HDAC7: variants seen among roughly 807,000 people sequenced by gnomAD.
HDAC7 encodes the protein histone deacetylase 7.
Under a neutral mutation model 115.5 loss-of-function variants are expected in HDAC7, and 26 were observed. The ratio of observed to expected loss-of-function variants is 0.23; its 90% CI spans 0.16 to 0.31. HDAC7 has a LOEUF of 0.31. HDAC7 is among the 10% of genes least tolerant of loss of function. HDAC7 has a pLI of 1.00. For synonymous variants in HDAC7, 564 were observed against 550.9 expected, an observed-to-expected ratio of 1.02 and a Z score of -0.33; for missense variants, 1,068 against 1,329.0, an observed-to-expected ratio of 0.80 and a Z score of 3.05.
intron 16 of HDAC7, chr12:47,790,975 C>T (rs1312163291): frequency 1.9e-6 from 1 of 540,288 alleles, no homozygotes; most frequent in Non-Finnish European, 3.3e-6. Context: ...TGATCCTAAG[C>T]CCCAGCCTTG....
chr12:47,814,809 G>A (rs1252272006), intron 1 of HDAC7, among the ~76,000 whole-genome samples: 2 of 152,220 alleles, frequency 1.3e-5, no homozygotes, highest in Non-Finnish European at 2.9e-5. Context: ...GGAGGTGGGA[G>A]ACGGCATCAA....
chr12:47,786,931 AAGG>A (rs2136910833), intron 21 of HDAC7, among the ~76,000 whole-genome samples: 1 of 152,360 alleles, frequency 6.6e-6, no homozygotes, highest in African/African-American at 2.4e-5. Flanking sequence ...AAGAGGCAGA[AAGG>A]AGCCAAGGAT....
In HDAC7 at chr12:47,786,068, G is replaced by A. The variant is rs546498676; in HGVS notation, c.2573-183C>T. The A allele has an allele frequency of 1.5e-3, 943 of 641,408 alleles. 7 individuals are homozygous for A. The highest frequency in any genetic ancestry group is 6.5e-3 in the South Asian group (268 of 41,396). 39.7% of individuals were successfully genotyped at this position (641,408 alleles called of 1,614,324 possible). On this transcript the variant is annotated intron_variant, in intron 22 of 25. Coordinates refer to ENST00000080059, the MANE Select transcript of HDAC7 (RefSeq NM_015401.5). ...AACCTACTAGTATGCTTCACTCAAG[G>A]CTCAGGGAGGTTAAGGGCCTTGGGA...
At position 47,789,474 on chromosome 12, in the gene HDAC7, G is replaced by C. The variant is rs770117832; in HGVS notation, c.2147+49C>G. The C allele has an allele frequency of 2.2e-5, 36 of 1,601,594 alleles. 1 individual carries two copies. Among genetic ancestry groups the C allele is most frequent in the Non-Finnish European group, 2.3e-5 (27 of 1,169,278 alleles). ...GAGAATGTCCCTGAAGGAAGTTCCTGGGGGCTTGCCCCCCACCTCATCCCA... is the reference window on the plus strand; with the variant it reads ...GAGAATGTCCCTGAAGGAAGTTCCTCGGGGCTTGCCCCCCACCTCATCCCA... On this transcript the variant is annotated intron_variant, in intron 18 of 25. Transcript: ENST00000080059.
intron 24 of HDAC7, 116 bp from the exon 25 acceptor site, chr12:47,784,333 G>GC: frequency 1.7e-6 from 2 of 1,187,618 alleles, no homozygotes; most frequent in Non-Finnish European, 2.3e-6. Context: ...GAGCGGGCCT[G>GC]TCCTCCACTT....
intron 1 of HDAC7, chr12:47,817,522 A>C (rs1484085621): frequency 6.6e-6 from 1 of 152,378 alleles, no homozygotes; most frequent in African/African-American, 2.4e-5. Context: ...CCCTGCTTCC[A>C]GCAATACCCC....
At chr12:47,792,113 G>A (rs1943564477) in intron 13 of HDAC7, 109 bp from the exon 14 acceptor site, 4 of 1,328,982 alleles carry the variant, frequency 3.0e-6, no homozygotes, top group Non-Finnish European at 4.1e-6. Flanking sequence ...ATGGAGCCGG[G>A]CGGGTACACA....
chr12:47,784,074 A>C lies in HDAC7; in HGVS notation c.2930+5T>G, dbSNP rs61751601. 249 of 1,612,926 alleles carry C rather than the reference A, an allele frequency of 1.5e-4. 1 individual carries two copies. The East Asian group carries it at 5.4e-3, about 35-fold the overall frequency. On this transcript the variant is annotated splice_donor_5th_base_variant and intron_variant, in intron 25 of 25. Transcript: ENST00000080059. Reference sequence around the variant, plus strand: ...GTGGGCCCAGGGCCAGGGGTCTGGCATTACCTATCTTCAGCCAGGATGCCC... The same window carrying C: ...GTGGGCCCAGGGCCAGGGGTCTGGCCTTACCTATCTTCAGCCAGGATGCCC...
At chr12:47,809,158 C>A (rs11168244) in intron 1 of HDAC7, among the ~76,000 whole-genome samples, 1 of 152,110 alleles carries the variant, frequency 6.6e-6, no homozygotes, top group Non-Finnish European at 1.5e-5. Context: ...ACAGGAAGCA[C>A]AGTCACCGCC....
intron 2 of HDAC7, among the ~76,000 whole-genome samples, chr12:47,800,172 G>C (rs763511819): frequency 1.4e-4 from 22 of 152,180 alleles, no homozygotes; most frequent in Non-Finnish European, 2.6e-4. Context: ...CTGGCCCCGG[G>C]GGGTAGTCAT....
Position 47,802,740 on chromosome 12 carries a change from G to A in HDAC7, c.20-466C>T, listed in dbSNP as rs547916537. Among the ~76,000 whole-genome samples the A allele has an allele frequency of 7.9e-5, 12 of 152,216 alleles. No homozygotes were observed. The East Asian group carries it at 9.7e-4, about 12-fold the overall frequency. On this transcript the variant is annotated intron_variant, in intron 1 of 25. Transcript: ENST00000080059. ...GAGGAGAAAGGGAGGAGCAGGCCTG[G>A]AGAGAGGGACCCTGGCCTGCTCAGA...
chr12:47,798,441 AAAGCCTC>A lies in HDAC7; in HGVS notation c.349+114_349+120del. The A allele has an allele frequency of 1.1e-6, 1 of 892,426 alleles. No individual in the cohort carries two copies. The highest frequency in any genetic ancestry group is 1.4e-5 in the South Asian group (1 of 69,400). The allele number at this position is 892,426 out of a possible 1,614,324, so 55.3% of individuals were successfully genotyped here. On this transcript the variant is annotated intron_variant, in intron 4 of 25. Transcript: ENST00000080059. This position sits in a 1 kb window ranked among gnomAD's most constrained non-coding sequence, Gnocchi z 4.3. ...AGGCAGAGCCCAGGCAAGCAGAGGG[AAAGCCTC>A]GGCTCAGGCCCAGCTGGCTGCGGCC...
Position 47,793,312 on chromosome 12 carries a change from C to G in HDAC7, c.1678+57G>C. 2 of 1,319,242 alleles carry G rather than the reference C, an allele frequency of 1.5e-6. No homozygotes were observed. The highest frequency in any genetic ancestry group is 2.0e-6 in the Non-Finnish European group (2 of 975,904). 81.7% of individuals were successfully genotyped at this position (1,319,242 alleles called of 1,614,324 possible). A position where few individuals can be genotyped will look rare whatever the true frequency, so the allele number is the denominator to read the frequency against. On this transcript the variant is annotated intron_variant, in intron 13 of 25. Coordinates refer to ENST00000080059, the MANE Select transcript of HDAC7 (RefSeq NM_015401.5). This position sits in a 1 kb window ranked among gnomAD's most constrained non-coding sequence, Gnocchi z 4.5. ...GTCCCAAGTGACACCAAGACACCCA[C>G]ATGGACTCGTGCAGCCGAGCCCCTC...
At position 47,789,897 on chromosome 12, in the gene HDAC7, A is replaced by G. The variant is rs1344218982; in HGVS notation, c.2007T>C (p.Asn669=). The change falls in exon 17 of 26, where the codon AAT becomes AAC. Residue 669 remains asparagine, a synonymous_variant. Transcript: ENST00000080059. ...GGGCTGCATTGGAGGAATGAAGCTC[A>G]TTCCAGATGGTGTCAGTGTCCACCT... The part of the protein sequence containing the change: ...GVGVDTDTIW[N]ELHSSNAARW... The G allele has an allele frequency of 3.7e-6, 6 of 1,612,544 alleles. No homozygotes were observed. Among genetic ancestry groups the G allele is most frequent in the East Asian group, 4.5e-5 (2 of 44,888 alleles).
At position 47,794,933 on chromosome 12, in the gene HDAC7, T is replaced by C; in HGVS notation, c.1285A>G (p.Arg429Gly). Reference sequence around the variant, plus strand: ...GGCTTCTCACTCGGCTTGGCTGACCTCTGGGGAGGGGAGAACCTGGCTGAG... The same window carrying C: ...GGCTTCTCACTCGGCTTGGCTGACCCCTGGGGAGGGGAGAACCTGGCTGAG... ...QLKTHVQVIK[R>G]SAKPSEKPRL... Residue 429 changes from arginine (R) to glycine (G), a missense_variant and splice_region_variant, in exon 12 of 26, where the codon AGG becomes GGG. Arg to Gly is a moderately radical substitution (Grantham distance 125, BLOSUM62 -2). Coordinates refer to ENST00000080059, the MANE Select transcript of HDAC7 (RefSeq NM_015401.5). The C allele has an allele frequency of 6.2e-7, 1 of 1,610,138 alleles. No individual in the cohort carries two copies. Among genetic ancestry groups the C allele is most frequent in the Non-Finnish European group, 8.5e-7 (1 of 1,178,728 alleles).
intron 25 of HDAC7, 79 bp downstream of exon 25, chr12:47,784,000 A>G: frequency 1.2e-6 from 2 of 1,601,792 alleles, no homozygotes; most frequent in Non-Finnish European, 1.7e-6. Flanking sequence ...GTGGCTGCAT[A>G]GCGGACCCGG....
intron 22 of HDAC7, among the ~76,000 whole-genome samples, 157 bp downstream of exon 22, chr12:47,786,428 G>A (rs1322654225): frequency 6.6e-6 from 1 of 152,232 alleles, no homozygotes; most frequent in Non-Finnish European, 1.5e-5. Flanking sequence ...AGGAGATCCC[G>A]GGGAATTTCA....
In HDAC7 at chr12:47,782,938, CTT is replaced by C. The variant is rs1375291123; in HGVS notation, c.*901_*902del. 1 of 153,066 alleles carries C rather than the reference CTT, an allele frequency of 6.5e-6. No individual in the cohort carries two copies. The highest frequency in any genetic ancestry group is 1.5e-5 in the Non-Finnish European group (1 of 68,190). The allele number at this position is 153,066 out of a possible 1,614,324, so 9.5% of individuals were successfully genotyped here. ...CCTGGACCCCCAAAAGCCTTGAAGA[CTT>C]TGCCAGAGCAGCCTCCCCTCCTCCA... On this transcript the variant is annotated 3_prime_UTR_variant, in exon 26 of 26. Transcript: ENST00000080059.
chr12:47,816,092 G>A (rs562532753), intron 1 of HDAC7, among the ~76,000 whole-genome samples: 31 of 151,832 alleles, frequency 2.0e-4, no homozygotes, highest in Non-Finnish European at 3.5e-4. Context: ...GGGTTTCGCC[G>A]CATTGGCCAG....
Sources: gnomAD v4.1 joint callset for allele counts (sites outside exome capture counted in the v4.1 genomes callset) on GRCh38, gnomAD v4.1.1 for gene constraint, Gnocchi (gnomAD v3.1) non-coding constraint, MANE v1.5 for transcripts, NCBI Gene and HGNC (gene_info 2026-07-23, HGNC 2026-07-21) for gene names.